Variants in NDUFS1 observed in about 807,000 individuals in gnomAD.
NDUFS1 encodes the protein NADH:ubiquinone oxidoreductase core subunit S1.
In NDUFS1, 61 loss-of-function variants were observed where a neutral mutation model predicts 84.4. That is an observed-to-expected ratio of 0.72 (90% CI 0.59 to 0.89). NDUFS1 has a LOEUF of 0.89. NDUFS1 is among the 40% of genes least tolerant of loss of function. The pLI, the probability that NDUFS1 is intolerant of heterozygous loss-of-function variation, is 0.00. For synonymous variants in NDUFS1, 275 were observed against 290.0 expected (o/e 0.95, Z 0.53); for missense variants, 891 against 890.0 (o/e 1.00, Z -0.01).
At chr2:206,130,680 A>T (rs751433230) in intron 14 of NDUFS1, among the ~76,000 whole-genome samples, 5 of 152,170 alleles carry the variant, frequency 3.3e-5, no homozygotes, top group Non-Finnish European at 7.3e-5. Context: ...TACCCATTTA[A>T]AATAGATGCT....
Position 206,138,482 on chromosome 2 carries a change from C to T in NDUFS1, c.1392+3G>A, listed in dbSNP as rs1691808045. The T allele has an allele frequency of 6.2e-7, 1 of 1,613,568 alleles. No individual in the cohort carries two copies. The highest frequency in any genetic ancestry group is 1.3e-5 in the African/African-American group (1 of 74,906). ...AGAGTAGATACACATAAGTTGAGAG[C>T]ACCTGGCTAAATGGATGGCTTCCCG... On this transcript the variant is annotated splice_donor_region_variant and intron_variant, in intron 13 of 18. Transcript: ENST00000233190.
intron 1 of NDUFS1, 71 bp from the exon 2 acceptor site, chr2:206,153,753 T>C (rs772743468): frequency 7.3e-6 from 6 of 820,082 alleles, no homozygotes; most frequent in Non-Finnish European, 1.2e-5. Context: ...TAATGTTTTA[T>C]GGCTTTAAAT....
intron 14 of NDUFS1, 120 bp from the exon 15 acceptor site, chr2:206,130,362 T>C: frequency 7.6e-7 from 1 of 1,317,826 alleles, no homozygotes; most frequent in South Asian, 1.3e-5. Flanking sequence ...TTTTATTTTA[T>C]TTTTTTCTCG....
At chr2:206,147,863 A>C in intron 5 of NDUFS1, 29 bp from the exon 6 acceptor site, 1 of 1,563,662 alleles carries the variant, frequency 6.4e-7, no homozygotes, top group Non-Finnish European at 8.8e-7. Flanking sequence ...ATATAAAATG[A>C]CTCTCAAATA....
Position 206,115,287 on chromosome 2 carries a change from T to C in NDUFS1, c.*8898A>G, listed in dbSNP as rs1395973040. ...AAGGTGTGGAATGCTATGTTTTGAA[T>C]GTGTTGTCTCCACAATTCATGTGTT... On this transcript the variant is annotated 3_prime_UTR_variant, in exon 19 of 19. Coordinates refer to ENST00000233190, the MANE Select transcript of NDUFS1 (RefSeq NM_005006.7). The C allele has an allele frequency of 6.6e-6, 1 of 152,656 alleles. No homozygotes were observed. Among genetic ancestry groups the C allele is most frequent in the African/African-American group, 2.4e-5 (1 of 41,482 alleles). 9.5% of individuals were successfully genotyped at this position (152,656 alleles called of 1,614,324 possible).
chr2:206,125,309 A>C (rs1011478292), intron 18 of NDUFS1, among the ~76,000 whole-genome samples: 14 of 152,054 alleles, frequency 9.2e-5, no homozygotes, highest in Non-Finnish European at 8.8e-5. Context: ...AAAAAATACA[A>C]AAATTAGCTG....
intron 13 of NDUFS1, among the ~76,000 whole-genome samples, chr2:206,134,960 T>G (rs10166505): frequency 0.53 from 80,137 of 151,914 alleles, 22,797 homozygotes; most frequent in African/African-American, 0.75. Flanking sequence ...CTGGGCAACA[T>G]AGTGAGACCT....
At chr2:206,148,415 T>C (rs1405308205) in intron 5 of NDUFS1, among the ~76,000 whole-genome samples, 4 of 152,122 alleles carry the variant, frequency 2.6e-5, no homozygotes, top group Non-Finnish European at 5.9e-5. Context: ...CGAGTATCAT[T>C]CTGGTAGTAT....
chr2:206,128,593 C>T (rs1035372597), intron 15 of NDUFS1, among the ~76,000 whole-genome samples: 4 of 151,810 alleles, frequency 2.6e-5, no homozygotes, highest in African/African-American at 9.7e-5. Flanking sequence ...GCCTGGCCAA[C>T]ATGGCAAAAC....
intron 13 of NDUFS1, among the ~76,000 whole-genome samples, chr2:206,136,421 T>C (rs1691715332): frequency 6.9e-6 from 1 of 145,438 alleles, no homozygotes. Flanking sequence ...TAGTTTTTAG[T>C]TGTTGGTTTT....
intron 14 of NDUFS1, among the ~76,000 whole-genome samples, chr2:206,130,528 T>A (rs1048653428): frequency 6.6e-6 from 1 of 152,082 alleles, no homozygotes; most frequent in Non-Finnish European, 1.5e-5. Context: ...CTAATTTTTG[T>A]ATTTTCAGTA....
At position 206,118,518 on chromosome 2, in the gene NDUFS1, T is replaced by C. The variant is rs1691013565; in HGVS notation, c.*5667A>G. 6.6e-6 allele frequency: 1 copy of C among 152,048 alleles called. No individual in the cohort carries two copies. Among genetic ancestry groups the C allele is most frequent in the Non-Finnish European group, 1.5e-5 (1 of 68,104 alleles). 9.4% of individuals were successfully genotyped at this position (152,048 alleles called of 1,614,324 possible). A position where few individuals can be genotyped will look rare whatever the true frequency, so the allele number is the denominator to read the frequency against. ...GCGTGTGCCTGTAGTCCCAGCCACT[T>C]GGGAGACTGAAGTGGGAGGATGGCT... On this transcript the variant is annotated 3_prime_UTR_variant, in exon 19 of 19. Coordinates refer to ENST00000233190, the MANE Select transcript of NDUFS1 (RefSeq NM_005006.7).
chr2:206,149,933 T>TAAAAAAAAA lies in NDUFS1; in HGVS notation c.154-17_154-9dup. On this transcript the variant is annotated splice_polypyrimidine_tract_variant and intron_variant, in intron 3 of 18. Coordinates refer to ENST00000233190, the MANE Select transcript of NDUFS1 (RefSeq NM_005006.7). ...GCCAACCTTCTCACAAGCCTAGAAG[T>TAAAAAAAAA]AAAAAAAAAAAAAAAAAAAAAAAAA... 2 of 602,022 alleles carry TAAAAAAAAA rather than the reference T, an allele frequency of 3.3e-6. No homozygotes were observed. The highest frequency in any genetic ancestry group is 1.8e-5 in the South Asian group (1 of 56,098). The allele number at this position is 602,022 out of a possible 1,614,324, so 37.3% of individuals were successfully genotyped here. A position where few individuals can be genotyped will look rare whatever the true frequency, so the allele number is the denominator to read the frequency against.
In NDUFS1 at chr2:206,147,490, C is replaced by T. The variant is rs765768968; in HGVS notation, c.551+41G>A. On this transcript the variant is annotated intron_variant, in intron 7 of 18. Coordinates refer to ENST00000233190, the MANE Select transcript of NDUFS1 (RefSeq NM_005006.7). The stretch of plus-strand genomic sequence containing the variant: ...CATCAAATTGTGACTATTAAGTATA[C>T]AATTATATTCTATAATAGAAAAAAA... 4 of 1,561,768 alleles carry T rather than the reference C, an allele frequency of 2.6e-6. No homozygotes were observed. In the African/African-American group the frequency reaches 5.6e-5, roughly 22 times the overall value.
Position 206,127,929 on chromosome 2 carries a change from G to C in NDUFS1, c.1752C>G (p.Leu584=). Residue 584 remains leucine, a synonymous_variant, in exon 16 of 19, where the codon CTC becomes CTG. Coordinates refer to ENST00000233190, the MANE Select transcript of NDUFS1 (RefSeq NM_005006.7). ...ACTTCTCTGTGTAAGCAGCTCCTGG[G>C]AGAATAACATCAGCTATGGGAGCCC... is the stretch of plus-strand genomic sequence containing the variant. ...DVGAPIADVI[L]PGAAYTEKSA... is the part of the protein sequence containing the mutation. 3 of 1,614,110 alleles carry C rather than the reference G, an allele frequency of 1.9e-6. No individual in the cohort carries two copies. The highest frequency in any genetic ancestry group is 2.5e-6 in the Non-Finnish European group (3 of 1,180,040).
chr2:206,140,943 T>TATACACACACACACACAC (rs367723817), intron 12 of NDUFS1, among the ~76,000 whole-genome samples: 5,491 of 135,892 alleles, frequency 0.04, 202 homozygotes, highest in African/African-American at 0.091. Flanking sequence ...TATATATATA[T>TATACACACACACACACAC]ACACACACAC....
At chr2:206,141,017 A>C (rs1170658513) in intron 12 of NDUFS1, among the ~76,000 whole-genome samples, 1 of 151,854 alleles carries the variant, frequency 6.6e-6, no homozygotes, top group East Asian at 1.9e-4. Flanking sequence ...ACAATATACA[A>C]AATGGTATAC....
intron 12 of NDUFS1, among the ~76,000 whole-genome samples, chr2:206,139,268 C>G (rs985139426): frequency 1.3e-5 from 2 of 152,040 alleles, no homozygotes; most frequent in Non-Finnish European, 2.9e-5. Flanking sequence ...TCACTGCAAG[C>G]TCCACCTCCC....
intron 10 of NDUFS1, among the ~76,000 whole-genome samples, chr2:206,143,324 T>C (rs750500594): frequency 1.3e-5 from 2 of 152,208 alleles, no homozygotes; most frequent in Non-Finnish European, 2.9e-5. Flanking sequence ...GCAGAGGTGT[T>C]ATGTGGGGCC....
Sources: gnomAD v4.1 joint callset for allele counts (sites outside exome capture counted in the v4.1 genomes callset) on GRCh38, gnomAD v4.1.1 for gene constraint, MANE v1.5 for transcripts, NCBI Gene and HGNC (gene_info 2026-07-23, HGNC 2026-07-21) for gene names.